The following INPP4B variants were observed in gnomAD, a reference collection of about 807,000 sequenced individuals.
The protein encoded by INPP4B is inositol polyphosphate-4-phosphatase type II B.
In INPP4B, 55 loss-of-function variants were observed where a neutral mutation model predicts 122.5. The ratio of observed to expected loss-of-function variants is 0.45; its 90% CI spans 0.36 to 0.56. The LOEUF (loss-of-function observed/expected upper bound fraction) is 0.56. INPP4B is among the 20% of genes least tolerant of loss of function. The pLI is 0.00. For missense variants in INPP4B, 1,000 were observed against 1,097.7 expected (o/e 0.91, Z 1.26); for synonymous variants, 403 against 388.7 (o/e 1.04, Z -0.43).
intron 25 of INPP4B, among the ~76,000 whole-genome samples, chr4:142,061,558 T>A (rs1760641236): frequency 6.6e-6 from 1 of 152,112 alleles, no homozygotes; most frequent in Non-Finnish European, 1.5e-5. Flanking sequence ...AATTTACACC[T>A]ATTCTTTTCT....
At chr4:142,142,685 G>A (rs1808498297) in intron 18 of INPP4B, among the ~76,000 whole-genome samples, 1 of 152,028 alleles carries the variant, frequency 6.6e-6, no homozygotes, top group South Asian at 2.1e-4. Context: ...GAATAAGAGA[G>A]AACAACTTGA....
chr4:142,388,326 G>A (rs1413137741), intron 7 of INPP4B, among the ~76,000 whole-genome samples: 1 of 151,982 alleles, frequency 6.6e-6, no homozygotes, highest in African/African-American at 2.4e-5. Flanking sequence ...CCAAGTGATA[G>A]GTATATTTAA....
At chr4:142,584,837 C>T (rs1268048119) in intron 2 of INPP4B, among the ~76,000 whole-genome samples, 1 of 152,040 alleles carries the variant, frequency 6.6e-6, no homozygotes, top group Non-Finnish European at 1.5e-5. Flanking sequence ...AGAGTATCTA[C>T]AGAAATTATT....
Position 142,096,501 on chromosome 4 carries a change from G to A in INPP4B, c.2375-10245C>T, listed in dbSNP as rs549935732. Among the ~76,000 whole-genome samples, 9 of 152,158 alleles carry A rather than the reference G, an allele frequency of 5.9e-5. No individual in the cohort carries two copies. In the South Asian group the frequency reaches 8.3e-4, roughly 14 times the overall value. ...GCTGTTTGTATTTCATAATTTGATC[G>A]TGTCTAAAATTTAAGGGACATTAAA... On this transcript the variant is annotated intron_variant, in intron 23 of 25. Coordinates refer to ENST00000262992, the MANE Select transcript of INPP4B (RefSeq NM_001101669.3).
At chr4:142,044,472 A>G (rs1750178241) in intron 25 of INPP4B, among the ~76,000 whole-genome samples, 1 of 152,168 alleles carries the variant, frequency 6.6e-6, no homozygotes, top group Admixed American at 6.6e-5. Flanking sequence ...ACCAGATTCC[A>G]TGATTTTGTG....
intron 2 of INPP4B, among the ~76,000 whole-genome samples, chr4:142,666,409 G>C (rs1756073971): frequency 1.3e-5 from 2 of 151,930 alleles, no homozygotes; most frequent in Non-Finnish European, 2.9e-5. Context: ...AAAACAAAAA[G>C]TAATCAGAGA....
At chr4:142,440,048 G>A (rs931637) in intron 3 of INPP4B, among the ~76,000 whole-genome samples, 18,674 of 152,084 alleles carry the variant, frequency 0.12, 1,673 homozygotes, top group East Asian at 0.38. Context: ...CTGTCAGAAC[G>A]TAAATTTGAT....
intron 2 of INPP4B, among the ~76,000 whole-genome samples, chr4:142,513,394 C>T (rs370143841): frequency 1.4e-4 from 21 of 151,502 alleles, no homozygotes; most frequent in Admixed American, 5.3e-4. Flanking sequence ...GGGGCAAGGC[C>T]GCTCTCTGGG....
chr4:142,760,251 A>T (rs542146831), intron 1 of INPP4B, among the ~76,000 whole-genome samples: 1 of 152,290 alleles, frequency 6.6e-6, no homozygotes, highest in Non-Finnish European at 1.5e-5. Context: ...TTCTTATGCC[A>T]TCATATTTAA....
At chr4:142,160,887 C>A (rs1274394289) in intron 16 of INPP4B, among the ~76,000 whole-genome samples, 1 of 151,972 alleles carries the variant, frequency 6.6e-6, no homozygotes, top group African/African-American at 2.4e-5. Context: ...ATCATTTGAA[C>A]AACATCTACC....
intron 2 of INPP4B, among the ~76,000 whole-genome samples, chr4:142,469,103 T>G (rs759742817): frequency 6.6e-6 from 1 of 151,694 alleles, no homozygotes; most frequent in Non-Finnish European, 1.5e-5. Context: ...AATGGCATTC[T>G]CAACATAGCC....
At chr4:142,367,842 G>A (rs1166153911) in intron 7 of INPP4B, among the ~76,000 whole-genome samples, 1 of 152,082 alleles carries the variant, frequency 6.6e-6, no homozygotes, top group Admixed American at 6.6e-5. Flanking sequence ...TATGCTCCCT[G>A]GGCTGGAAGG....
chr4:142,335,110 A>G (rs1038202608), intron 7 of INPP4B, among the ~76,000 whole-genome samples: 39 of 70,604 alleles, frequency 5.5e-4, no homozygotes, highest in Middle Eastern at 7.2e-3. Flanking sequence ...GGAAAAATGA[A>G]AAAAAAAAAA....
At chr4:142,271,361 A>G (rs1745731758) in intron 9 of INPP4B, among the ~76,000 whole-genome samples, 1 of 152,218 alleles carries the variant, frequency 6.6e-6, no homozygotes, top group South Asian at 2.1e-4. Context: ...AGGAAAGAAC[A>G]TTGTGTCATA....
chr4:142,516,689 T>G (rs1444816661), intron 2 of INPP4B, among the ~76,000 whole-genome samples: 1 of 152,156 alleles, frequency 6.6e-6, no homozygotes, highest in East Asian at 1.9e-4. Context: ...CATTGCTCTG[T>G]GCCCTGGAGC....
At chr4:142,536,473 T>C (rs1193339886) in intron 2 of INPP4B, among the ~76,000 whole-genome samples, 1 of 152,210 alleles carries the variant, frequency 6.6e-6, no homozygotes, top group African/African-American at 2.4e-5. Context: ...GGCTATATCA[T>C]CATCATTTTC....
chr4:142,405,084 A>C (rs1476268452), intron 6 of INPP4B, 122 bp downstream of exon 6: 1 of 611,858 alleles, frequency 1.6e-6, no homozygotes, highest in East Asian at 2.9e-5. Flanking sequence ...AACTTATTTC[A>C]GCTGTTCATT....
chr4:142,444,759 A>G (rs1337363960), intron 3 of INPP4B, among the ~76,000 whole-genome samples: 1 of 152,196 alleles, frequency 6.6e-6, no homozygotes, highest in African/African-American at 2.4e-5. Context: ...GATCCAACCC[A>G]AATGCCCATC....
intron 1 of INPP4B, among the ~76,000 whole-genome samples, chr4:142,747,960 G>A (rs1381748983): frequency 1.3e-5 from 2 of 151,970 alleles, no homozygotes; most frequent in East Asian, 1.9e-4. Context: ...ACCATGGCAC[G>A]TGTATACCTA....
Sources: gnomAD v4.1 joint callset for allele counts (sites outside exome capture counted in the v4.1 genomes callset) on GRCh38, gnomAD v4.1.1 for gene constraint, MANE v1.5 for transcripts, NCBI Gene and HGNC (gene_info 2026-07-23, HGNC 2026-07-21) for gene names.